PIWIL1: variants seen among roughly 807,000 people sequenced by gnomAD.
The protein encoded by PIWIL1 is piwi-like protein 1.
In PIWIL1, 73 loss-of-function variants were observed where a neutral mutation model predicts 114.4. The observed-to-expected ratio is 0.64, with a 90% CI of 0.53 to 0.78. The LOEUF (loss-of-function observed/expected upper bound fraction) is 0.78. Among genes scored for constraint, PIWIL1 ranks in the 30% least tolerant of loss-of-function variants. The pLI is 0.00. For missense variants in PIWIL1, 723 were observed against 1,063.1 expected (o/e 0.68, Z 4.45); for synonymous variants, 375 against 369.0 (o/e 1.02, Z -0.19).
the PIWIL1 span, chr12:130,412,612 C>T: frequency 7.8e-5 from 125 of 1,612,790 alleles, no homozygotes; most frequent in African/African-American, 9.2e-4. Context: ...TAGGGGTTTG[C>T]GCTTACCTAT....
At chr12:130,358,829 C>T (rs1243655810) in intron 14 of PIWIL1, among the ~76,000 whole-genome samples, 1 of 152,156 alleles carries the variant, frequency 6.6e-6, no homozygotes, top group African/African-American at 2.4e-5. Flanking sequence ...TCGTTCCTGT[C>T]GCGTCCCCAG....
the PIWIL1 span, among the ~76,000 whole-genome samples, chr12:130,405,662 C>T: frequency 6.6e-6 from 1 of 151,562 alleles, no homozygotes; most frequent in South Asian, 2.1e-4. Context: ...CCAGGAATCA[C>T]CAGCAGCAAG....
At chr12:130,340,876 G>T (rs766866231) in intron 1 of PIWIL1, among the ~76,000 whole-genome samples, 2 of 152,156 alleles carry the variant, frequency 1.3e-5, no homozygotes, top group Non-Finnish European at 2.9e-5. Context: ...ATTATCCTGT[G>T]TAAACTCCTT....
At chr12:130,340,468 G>A (rs1286801526) in intron 1 of PIWIL1, among the ~76,000 whole-genome samples, 1 of 151,884 alleles carries the variant, frequency 6.6e-6, no homozygotes, top group Non-Finnish European at 1.5e-5. Context: ...CCCTTGGCAC[G>A]CCGACTTCAC....
the PIWIL1 span, among the ~76,000 whole-genome samples, chr12:130,410,219 T>C: frequency 6.6e-6 from 1 of 152,188 alleles, no homozygotes; most frequent in Admixed American, 6.5e-5. Flanking sequence ...TTTGTACATA[T>C]TTTTATTGGG....
At chr12:130,410,891 A>G in the PIWIL1 span, among the ~76,000 whole-genome samples, 2 of 152,304 alleles carry the variant, frequency 1.3e-5, no homozygotes, top group East Asian at 3.9e-4. Context: ...TTGATTCTAC[A>G]TAAATCCCAG....
In PIWIL1 at chr12:130,355,609, T is replaced by C. The variant is rs1285218308; in HGVS notation, c.1346T>C (p.Leu449Ser). The C allele has an allele frequency of 3.7e-6, 6 of 1,614,098 alleles. No homozygotes were observed. The African/African-American group carries it at 8.0e-5, about 22-fold the overall frequency. Reference protein sequence around the residue: ...RDWGLSFDSNLLSFSGRILQT... With the variant: ...RDWGLSFDSNSLSFSGRILQT... Reference sequence around the variant, plus strand: ...TGGGGTTTGAGCTTTGATTCCAACTTACTGTCCTTCTCAGGAAGAATTTTG... The same window carrying C: ...TGGGGTTTGAGCTTTGATTCCAACTCACTGTCCTTCTCAGGAAGAATTTTG... The change falls in exon 12 of 21, where the codon TTA (leucine) becomes TCA (serine). Residue 449 changes from leucine (L) to serine (S), a missense_variant. Coordinates refer to ENST00000245255, the MANE Select transcript of PIWIL1 (RefSeq NM_004764.5).
chr12:130,392,980 G>C, the PIWIL1 span, among the ~76,000 whole-genome samples: 848 of 115,090 alleles, frequency 7.4e-3, no homozygotes, highest in East Asian at 0.018. Context: ...CATCACGTGT[G>C]TGCGTCAGTT....
At chr12:130,421,682 T>C in the PIWIL1 span, among the ~76,000 whole-genome samples, 1,029 of 141,618 alleles carry the variant, frequency 7.3e-3, 7 homozygotes, top group African/African-American at 0.026. Context: ...GAGTTCTCCC[T>C]GCATTTATAT....
At chr12:130,360,375 C>A (rs768648335) in intron 14 of PIWIL1, among the ~76,000 whole-genome samples, 3 of 152,278 alleles carry the variant, frequency 2.0e-5, no homozygotes, top group African/African-American at 7.2e-5. Context: ...GTGGCTCACA[C>A]CTGTAATCCC....
At chr12:130,356,147 T>G (rs2073359380) in intron 12 of PIWIL1, among the ~76,000 whole-genome samples, 1 of 151,996 alleles carries the variant, frequency 6.6e-6, no homozygotes, top group African/African-American at 2.4e-5. Flanking sequence ...ATCCCTGATT[T>G]GATTGGCCTG....
the PIWIL1 span, among the ~76,000 whole-genome samples, chr12:130,416,061 G>A: frequency 1.3e-5 from 2 of 152,080 alleles, no homozygotes; most frequent in Non-Finnish European, 2.9e-5. Flanking sequence ...GAGAACGACA[G>A]AACACTGCTG....
chr12:130,412,634 G>C, the PIWIL1 span: 1 of 1,613,984 alleles, frequency 6.2e-7, no homozygotes, highest in Non-Finnish European at 8.5e-7. Flanking sequence ...TTCTCCACAG[G>C]TGTATTCAGA....
At chr12:130,409,623 G>A in the PIWIL1 span, among the ~76,000 whole-genome samples, 1 of 152,080 alleles carries the variant, frequency 6.6e-6, no homozygotes, top group African/African-American at 2.4e-5. Context: ...GATTACAGGC[G>A]TGAGCCACTG....
intron 15 of PIWIL1, 33 bp downstream of exon 15, chr12:130,361,413 A>G (rs766468017): frequency 6.2e-6 from 10 of 1,611,368 alleles, no homozygotes; most frequent in Admixed American, 1.7e-5. Context: ...ATGCCGTTTT[A>G]AAATTGGTAT....
chr12:130,360,657 C>A (rs7979067), intron 14 of PIWIL1, among the ~76,000 whole-genome samples: 20,018 of 152,014 alleles, frequency 0.13, 4,066 homozygotes, highest in African/African-American at 0.44. Context: ...ACCAAACTCC[C>A]GAAAGTTAAA....
chr12:130,339,013 T>A (rs941702976), intron 1 of PIWIL1, among the ~76,000 whole-genome samples: 15 of 152,060 alleles, frequency 9.9e-5, no homozygotes, highest in African/African-American at 3.4e-4. Flanking sequence ...CAGGAGGGCC[T>A]TCGGGACCTC....
At chr12:130,366,304 G>C (rs1010895805) in intron 18 of PIWIL1, 3 of 152,650 alleles carry the variant, frequency 2.0e-5, no homozygotes, top group African/African-American at 7.2e-5. Flanking sequence ...GGAGGAGGGG[G>C]TGGAAAAGGA....
the PIWIL1 span, chr12:130,406,269 T>C: frequency 6.7e-7 from 1 of 1,497,400 alleles, no homozygotes; most frequent in Non-Finnish European, 9.3e-7. Context: ...ATAAAATTAA[T>C]CGTATTTTTC....
Sources: gnomAD v4.1 joint callset for allele counts (sites outside exome capture counted in the v4.1 genomes callset) on GRCh38, gnomAD v4.1.1 for gene constraint, MANE v1.5 for transcripts, NCBI Gene and HGNC (gene_info 2026-07-23, HGNC 2026-07-21) for gene names.